KCNQ1: variants seen among roughly 807,000 people sequenced by gnomAD.
KCNQ1 encodes potassium voltage-gated channel subfamily KQT member 1.
KCNQ1 carries 49 observed loss-of-function variants against 72.4 expected under a neutral mutation model. The ratio of observed to expected loss-of-function variants is 0.68; its 90% CI spans 0.54 to 0.86. KCNQ1 has a LOEUF of 0.86. Ranked by LOEUF, KCNQ1 falls within the 40% of genes least tolerant of loss-of-function variation. The pLI is 0.00. For synonymous variants in KCNQ1, 450 were observed against 412.6 expected (o/e 1.09, Z -1.10); for missense variants, 790 against 945.1 (o/e 0.84, Z 2.15).
chr11:2,755,178 A>C (rs1478161530), intron 11 of KCNQ1, among the ~76,000 whole-genome samples: 1 of 147,674 alleles, frequency 6.8e-6, no homozygotes, highest in Non-Finnish European at 1.5e-5. Flanking sequence ...CTCCTCTCTG[A>C]CATTTTTTTT....
At chr11:2,763,211 T>C (rs1028451745) in intron 11 of KCNQ1, among the ~76,000 whole-genome samples, 1 of 152,224 alleles carries the variant, frequency 6.6e-6, no homozygotes, top group African/African-American at 2.4e-5. Flanking sequence ...AGGGCTTCTT[T>C]ATCTGTCTCT....
Position 2,587,614 on chromosome 11 carries a change from C to T in KCNQ1, c.1173C>T (p.Thr391=), listed in dbSNP as rs770808054. 7 of 1,613,990 alleles carry T rather than the reference C, an allele frequency of 4.3e-6. No individual in the cohort carries two copies. In the South Asian group the frequency reaches 7.7e-5, roughly 18 times the overall value. ...CTGCCGAGAACCCCGACTCCTCCACCTGGAAGATCTACATCCGGAAGGCCC... is the reference window on the plus strand; with the variant it reads ...CTGCCGAGAACCCCGACTCCTCCACTTGGAAGATCTACATCCGGAAGGCCC... ...CYAAENPDSS[T]WKIYIRKAPR... Residue 391 remains threonine, a synonymous_variant, in exon 9 of 16, where the codon ACC becomes ACT. Coordinates refer to ENST00000155840, the MANE Select transcript of KCNQ1 (RefSeq NM_000218.3).
rs566266672 is a variant in KCNQ1, at chr11:2,772,872, G to A, written c.1591-3088G>A. On this transcript the variant is annotated intron_variant, in intron 12 of 15. Coordinates refer to ENST00000155840, the MANE Select transcript of KCNQ1 (RefSeq NM_000218.3). The surrounding 1 kb of genome is among the most constrained non-coding windows in gnomAD (Gnocchi z 6.6). ...CTGCCTCCCTTCACCTGCCCACACC[G>A]CACCCAGATGGCTGGAGGTGCCCCA... Among the ~76,000 whole-genome samples, 14 of 152,262 alleles carry A rather than the reference G, an allele frequency of 9.2e-5. No individual in the cohort carries two copies. Among genetic ancestry groups the A allele is most frequent in the South Asian group, 4.2e-4 (2 of 4,816 alleles).
rs147278439 is a variant in KCNQ1 at position 2,733,857 on chromosome 11, C to CTCTCTCTCT, written c.1515-34987_1515-34986insTCTCTCTCT. On this transcript the variant is annotated intron_variant, in intron 11 of 15. Transcript: ENST00000155840. ...TCTCTCTCTCTCTCTCTCTCTCTCT[C>CTCTCTCTCT]CCCCCCCACTTCAGGGCCTTCGCGC... Among the ~76,000 whole-genome samples the CTCTCTCTCT allele has an allele frequency of 1.5e-3, 114 of 76,302 alleles. 1 individual carries two copies. Among genetic ancestry groups the CTCTCTCTCT allele is most frequent in the South Asian group, 2.8e-3 (7 of 2,496 alleles). The allele number at this position is 76,302 out of a possible 152,430, so 50.1% of individuals were successfully genotyped here.
intron 1 of KCNQ1, chr11:2,521,341 G>A: frequency 2.9e-6 from 1 of 349,734 alleles, no homozygotes; most frequent in Non-Finnish European, 5.9e-6. Context: ...TCGCTGCTCT[G>A]GGCCTTTGCG....
intron 2 of KCNQ1, among the ~76,000 whole-genome samples, chr11:2,560,083 C>T (rs1186986710): frequency 1.6e-5 from 2 of 123,996 alleles, no homozygotes; most frequent in South Asian, 2.6e-4. Flanking sequence ...GCATCTCAGC[C>T]ATGGGGGGCC....
At chr11:2,806,127 C>T (rs1231464484) in intron 15 of KCNQ1, among the ~76,000 whole-genome samples, 1 of 152,160 alleles carries the variant, frequency 6.6e-6, no homozygotes, top group Non-Finnish European at 1.5e-5. Context: ...GGAGGTGGTG[C>T]CCAAAACATC....
rs149997349 is a variant in KCNQ1, at chr11:2,471,775, C to T, written c.386+26291C>T. On this transcript the variant is annotated intron_variant, in intron 1 of 15. Coordinates refer to ENST00000155840, the MANE Select transcript of KCNQ1 (RefSeq NM_000218.3). This position sits in a 1 kb window ranked among gnomAD's most constrained non-coding sequence, Gnocchi z 4.8. The stretch of plus-strand genomic sequence containing the variant: ...GTGTGTACTTGTGTATGGGTGTGTG[C>T]ATGTGATTGGGTGTGTGCATGTGTA... Among the ~76,000 whole-genome samples the T allele has an allele frequency of 1.8e-3, 267 of 145,932 alleles. 1 individual carries two copies. The Middle Eastern group carries it at 0.027, about 15-fold the overall frequency.
At chr11:2,721,107 T>G (rs1308090952) in intron 11 of KCNQ1, among the ~76,000 whole-genome samples, 1 of 152,046 alleles carries the variant, frequency 6.6e-6, no homozygotes, top group Non-Finnish European at 1.5e-5. Context: ...AGGGGATTGG[T>G]GGGGGCCTGT....
chr11:2,665,126 G>A (rs920185809), intron 11 of KCNQ1: 10 of 398,472 alleles, frequency 2.5e-5, no homozygotes, highest in Admixed American at 1.3e-4. Context: ...CAGCCTATAG[G>A]TGGGCCCTAC....
At position 2,672,890 on chromosome 11, in the gene KCNQ1, C is replaced by T. The variant is rs550527546; in HGVS notation, c.1514+10809C>T. 2.3e-5 allele frequency: 9 copies of T among 398,722 alleles called. No individual in the cohort carries two copies. The Admixed American group carries it at 4.0e-4, about 18-fold the overall frequency. The allele number at this position is 398,722 out of a possible 1,614,324, so 24.7% of individuals were successfully genotyped here. A position where few individuals can be genotyped will look rare whatever the true frequency, so the allele number is the denominator to read the frequency against. On this transcript the variant is annotated intron_variant, in intron 11 of 15. Transcript: ENST00000155840. ...CCTAGCCACCTGACTGTCAGGGGAG[C>T]AGTATGTGGCACTTGAGGCCTTGGG...
chr11:2,660,080 G>A (rs1849924865), intron 10 of KCNQ1: 8 of 398,230 alleles, frequency 2.0e-5, no homozygotes, highest in Non-Finnish European at 3.5e-5. Context: ...TCTCTTACGA[G>A]TTAAACTTTT....
chr11:2,707,661 G>A (rs2133913969), intron 11 of KCNQ1, among the ~76,000 whole-genome samples: 1 of 152,354 alleles, frequency 6.6e-6, no homozygotes. Flanking sequence ...TAGTATGTCA[G>A]GCATGGTTCT....
At position 2,803,475 on chromosome 11, in the gene KCNQ1, C is replaced by G. The variant is rs1564899294; in HGVS notation, c.1794+25438C>G. Among the ~76,000 whole-genome samples, 1 of 152,254 alleles carries G rather than the reference C, an allele frequency of 6.6e-6. No homozygotes were observed. The highest frequency in any genetic ancestry group is 2.4e-5 in the African/African-American group (1 of 41,568). On this transcript the variant is annotated intron_variant, in intron 15 of 15. Transcript: ENST00000155840. The surrounding 1 kb of genome is among the most constrained non-coding windows in gnomAD (Gnocchi z 6.4). ...TGTGTTCCCAGGAGCTTTAGGGGTACCCAGGTGGTGTGATGGGGAGCAGGA... is the reference window on the plus strand; with the variant it reads ...TGTGTTCCCAGGAGCTTTAGGGGTAGCCAGGTGGTGTGATGGGGAGCAGGA...
At chr11:2,672,123 C>G (rs1235187768) in intron 11 of KCNQ1, 4 of 398,646 alleles carry the variant, frequency 1.0e-5, no homozygotes, top group Non-Finnish European at 1.8e-5. Flanking sequence ...TCTTCTCCCA[C>G]CTAATCCTCC....
At chr11:2,522,211 C>CCT (rs1564805430) in intron 1 of KCNQ1, among the ~76,000 whole-genome samples, 6 of 152,152 alleles carry the variant, frequency 3.9e-5, no homozygotes, top group Non-Finnish European at 7.4e-5. Flanking sequence ...CCCCGCCCCC[C>CCT]GCATGACCAC....
chr11:2,454,851 T>C lies in KCNQ1; in HGVS notation c.386+9367T>C, dbSNP rs143281991. 2.6e-3 allele frequency among the ~76,000 whole-genome samples: 395 copies of C among 152,100 alleles called. 3 individuals are homozygous for C. The highest frequency in any genetic ancestry group is 9.2e-3 in the African/African-American group (383 of 41,490). ...AAGCGAGACACATTCCCCTTAAGAA[T>C]AGGAACAAGACAAGGATGCCCACTT... On this transcript the variant is annotated intron_variant, in intron 1 of 15. Coordinates refer to ENST00000155840, the MANE Select transcript of KCNQ1 (RefSeq NM_000218.3).
At position 2,848,858 on chromosome 11, in the gene KCNQ1, G is replaced by A. The variant is rs1281701902; in HGVS notation, c.*855G>A. The A allele has an allele frequency of 1.8e-5, 8 of 454,174 alleles. No individual in the cohort carries two copies. The highest frequency in any genetic ancestry group is 1.2e-4 in the South Asian group (8 of 64,482). 28.1% of individuals were successfully genotyped at this position (454,174 alleles called of 1,614,324 possible). Reference sequence around the variant, plus strand: ...AAGTGACGGTTCCTACACAGGACAGGGGTTCCTTCTGGGCATTACATCGCA... The same window carrying A: ...AAGTGACGGTTCCTACACAGGACAGAGGTTCCTTCTGGGCATTACATCGCA... On this transcript the variant is annotated 3_prime_UTR_variant, in exon 16 of 16. Transcript: ENST00000155840.
chr11:2,758,206 A>C lies in KCNQ1; in HGVS notation c.1515-10638A>C, dbSNP rs11827729. 3.2e-3 allele frequency among the ~76,000 whole-genome samples: 490 copies of C among 152,320 alleles called. 3 individuals carry two copies. Among genetic ancestry groups the C allele is most frequent in the African/African-American group, 0.011 (474 of 41,576 alleles). Reference sequence around the variant, plus strand: ...AGAACATGAAGTACTCTCAAAACTCAACAGTAAAAAACAGCCTGTCCAACT... The same window carrying C: ...AGAACATGAAGTACTCTCAAAACTCCACAGTAAAAAACAGCCTGTCCAACT... On this transcript the variant is annotated intron_variant, in intron 11 of 15. Coordinates refer to ENST00000155840, the MANE Select transcript of KCNQ1 (RefSeq NM_000218.3).
Sources: allele counts gnomAD v4.1 joint callset (sites outside exome capture counted in the v4.1 genomes callset), GRCh38; gene constraint gnomAD v4.1.1; non-coding constraint Gnocchi (gnomAD v3.1); transcripts MANE v1.5; gene names NCBI Gene and HGNC (gene_info 2026-07-23, HGNC 2026-07-21).